The following RECQL5 variants were observed in gnomAD, a reference collection of about 807,000 sequenced individuals.
RECQL5 encodes the protein ATP-dependent DNA helicase Q5.
A neutral mutation model predicts 103.4 loss-of-function variants in RECQL5; 88 were observed. That is an observed-to-expected ratio of 0.85 (90% CI 0.72 to 1.02). The LOEUF is 1.02. Ranked by LOEUF, RECQL5 falls within the 50% of genes least tolerant of loss-of-function variation. RECQL5 has a pLI of 0.00. For synonymous variants in RECQL5, 552 were observed against 507.9 expected (o/e 1.09, Z -1.17); for missense variants, 1,232 against 1,284.3 (o/e 0.96, Z 0.62).
intron 8 of RECQL5, chr17:75,650,126 A>G (rs1379502671): frequency 2.0e-6 from 2 of 986,190 alleles, no homozygotes; most frequent in Admixed American, 1.2e-4. Flanking sequence ...CAAGAAGCCT[A>G]AGAAGGCCAA....
chr17:75,638,385 G>A (rs1009570974), intron 8 of RECQL5: 3 of 152,328 alleles, frequency 2.0e-5, no homozygotes, highest in African/African-American at 7.2e-5. Flanking sequence ...GGAGGCTGAG[G>A]CAGGAGAATC....
chr17:75,666,709 G>C, intron 1 of RECQL5, 138 bp from the exon 2 acceptor site: 1 of 793,368 alleles, frequency 1.3e-6, no homozygotes, highest in Non-Finnish European at 2.0e-6. Context: ...TAATAAAGCT[G>C]AAGGTGAACT....
intron 7 of RECQL5, among the ~76,000 whole-genome samples, chr17:75,655,432 G>T (rs1388765870): frequency 6.9e-6 from 1 of 143,972 alleles, no homozygotes; most frequent in Non-Finnish European, 1.5e-5. Flanking sequence ...GGTGCAATCT[G>T]GGCTCACTGC....
Position 75,631,026 on chromosome 17 carries a change from A to T in RECQL5, c.1549-16T>A, listed in dbSNP as rs774261190. The T allele has an allele frequency of 5.0e-6, 8 of 1,613,616 alleles. No homozygotes were observed. In the South Asian group the frequency reaches 8.8e-5, roughly 18 times the overall value. ...GGTCTTTGCCCTGGAGGACAACATGAAGGACCCATGAGGCGTCCTGCCCTG... is the reference window on the plus strand; with the variant it reads ...GGTCTTTGCCCTGGAGGACAACATGTAGGACCCATGAGGCGTCCTGCCCTG... On this transcript the variant is annotated splice_polypyrimidine_tract_variant and intron_variant, in intron 10 of 19. Coordinates refer to ENST00000317905, the MANE Select transcript of RECQL5 (RefSeq NM_004259.7).
At position 75,663,017 on chromosome 17, in the gene RECQL5, C is replaced by T; in HGVS notation, c.253-20G>A. On this transcript the variant is annotated intron_variant, in intron 3 of 19. Transcript: ENST00000317905. ...TTGGTCCTAAGAGAAGAGAAAGAGG[C>T]TGTAACTGGCCCTCAGGACTCAGGT... The T allele has an allele frequency of 6.4e-7, 1 of 1,561,770 alleles. No homozygotes were observed.
At position 75,628,971 on chromosome 17, in the gene RECQL5, G is replaced by A; in HGVS notation, c.2452C>T (p.Pro818Ser). ...CTGAGGCACTCCTCAGTCTGGGGAG[G>A]GGCAGGCGAATGTCCCCCGGCTCCA... ...EDGAGGHSPA[P>S]PQTEECLRER... Residue 818 changes from proline (P) to serine (S), a missense_variant, in exon 16 of 20, where the codon CCT (proline) becomes TCT (serine). By Grantham distance (74) the Pro-to-Ser change is moderately conservative. Coordinates refer to ENST00000317905, the MANE Select transcript of RECQL5 (RefSeq NM_004259.7). 5 of 1,566,706 alleles carry A rather than the reference G, an allele frequency of 3.2e-6. No individual in the cohort carries two copies. Among genetic ancestry groups the A allele is most frequent in the Non-Finnish European group, 4.3e-6 (5 of 1,159,608 alleles).
At position 75,640,220 on chromosome 17, in the gene RECQL5, G is replaced by A. The variant is rs563203070; in HGVS notation, c.1230-8552C>T. ...GCGCGGCATGGCTGCCACCGACTTCGTGCAGGAGATGCGCGCCGTGGGCGA... is the reference window on the plus strand; with the variant it reads ...GCGCGGCATGGCTGCCACCGACTTCATGCAGGAGATGCGCGCCGTGGGCGA... On this transcript the variant is annotated intron_variant, in intron 8 of 19. Coordinates refer to ENST00000317905, the MANE Select transcript of RECQL5 (RefSeq NM_004259.7). This position sits in a 1 kb window ranked among gnomAD's most constrained non-coding sequence, Gnocchi z 4.6. 3.2e-5 allele frequency: 50 copies of A among 1,550,360 alleles called. No homozygotes were observed. In the Admixed American group the frequency reaches 4.3e-4, roughly 13 times the overall value.
At position 75,636,222 on chromosome 17, in the gene RECQL5, C is replaced by A. The variant is rs1644043327; in HGVS notation, c.1230-4554G>T. ...CCTGAGGACCCTGAGAAGCCTCCAACCAAGGCACTACTGAGCGTGGGGTTG... is the reference window on the plus strand; with the variant it reads ...CCTGAGGACCCTGAGAAGCCTCCAAACAAGGCACTACTGAGCGTGGGGTTG... On this transcript the variant is annotated intron_variant, in intron 8 of 19. Transcript: ENST00000317905. The surrounding 1 kb of genome is among the most constrained non-coding windows in gnomAD (Gnocchi z 5.4). Among the ~76,000 whole-genome samples, 1 of 152,170 alleles carries A rather than the reference C, an allele frequency of 6.6e-6. No individual in the cohort carries two copies. Among genetic ancestry groups the A allele is most frequent in the Non-Finnish European group, 1.5e-5 (1 of 68,028 alleles).
rs990046565 is a variant in RECQL5, at chr17:75,640,695, G to T, written c.1230-9027C>A. ...TTCTGACCTCCACCAAACCTGTGGG[G>T]GAAAGACCCTGGCAGGCAGTGGGTT... On this transcript the variant is annotated intron_variant, in intron 8 of 19. Coordinates refer to ENST00000317905, the MANE Select transcript of RECQL5 (RefSeq NM_004259.7). This position sits in a 1 kb window ranked among gnomAD's most constrained non-coding sequence, Gnocchi z 4.6. 2 of 1,498,264 alleles carry T rather than the reference G, an allele frequency of 1.3e-6. No individual in the cohort carries two copies. Among genetic ancestry groups the T allele is most frequent in the South Asian group, 2.6e-5 (2 of 77,724 alleles). 92.8% of individuals were successfully genotyped at this position (1,498,264 alleles called of 1,614,324 possible).
At chr17:75,651,071 C>G in intron 8 of RECQL5, 115 bp downstream of exon 8, 1 of 1,591,740 alleles carries the variant, frequency 6.3e-7, no homozygotes, top group Non-Finnish European at 8.6e-7. Context: ...CCTTTGCAGG[C>G]AGGTGTCCCT....
In RECQL5 at chr17:75,666,490, A is replaced by G; in HGVS notation, c.68T>C (p.Val23Ala). 6.2e-7 allele frequency: 1 copy of G among 1,614,040 alleles called. No homozygotes were observed. The highest frequency in any genetic ancestry group is 8.5e-7 in the Non-Finnish European group (1 of 1,179,988). Residue 23 changes from valine (V) to alanine (A), a missense_variant, in exon 2 of 20, where the codon GTC becomes GCC. Val to Ala is a moderately conservative substitution (Grantham distance 64). Transcript: ENST00000317905. ...ERRVRSTLKK[V>A]FGFDSFKTPL... ...CGTCTTAAAAGAGTCAAACCCAAAG[A>G]CCTTCTTCAGCGTACTCCGGACTCG... is the stretch of plus-strand genomic sequence containing the variant.
At chr17:75,647,469 C>A (rs1386490642) in intron 8 of RECQL5, 3 of 1,550,134 alleles carry the variant, frequency 1.9e-6, no homozygotes, top group East Asian at 4.9e-5. Context: ...TTATCTTATT[C>A]ATCACCGCTG....
chr17:75,647,276 T>C, intron 8 of RECQL5: 1 of 1,087,398 alleles, frequency 9.2e-7, no homozygotes, highest in Non-Finnish European at 1.3e-6. Flanking sequence ...TCACAGAGGC[T>C]GCTACAGAGG....
At chr17:75,654,367 G>A (rs1211004109) in intron 7 of RECQL5, among the ~76,000 whole-genome samples, 1 of 152,098 alleles carries the variant, frequency 6.6e-6, no homozygotes. Flanking sequence ...GTGCAATCTG[G>A]ACCAGTTTTC....
Position 75,627,471 on chromosome 17 carries a change from C to G in RECQL5, c.2927G>C (p.Arg976Pro). The stretch of plus-strand genomic sequence containing the variant: ...ATGCCAGTCAGCTTCGCTCTCGCAC[C>G]GGGCCCGGCCATGGAAGAAGTGCCT... ...LIRHFFHGRA[R>P]CESEADWHGL... The change falls in exon 20 of 20, where the codon CGG becomes CCG. Residue 976 changes from arginine to proline, a missense_variant. Arg to Pro is a moderately radical substitution (Grantham distance 103, BLOSUM62 -2). Transcript: ENST00000317905. The G allele has an allele frequency of 6.2e-7, 1 of 1,613,760 alleles. No homozygotes were observed. The highest frequency in any genetic ancestry group is 8.5e-7 in the Non-Finnish European group (1 of 1,180,026).
In RECQL5 at chr17:75,628,772, G is replaced by A; in HGVS notation, c.2490-10C>T. Reference sequence around the variant, plus strand: ...TCTGGGCGGGCAGGTGCTGGTAGAGGGAAGAGCAGGCATCACAGCACTGGG... The same window carrying A: ...TCTGGGCGGGCAGGTGCTGGTAGAGAGAAGAGCAGGCATCACAGCACTGGG... On this transcript the variant is annotated splice_polypyrimidine_tract_variant and intron_variant, in intron 16 of 19. Coordinates refer to ENST00000317905, the MANE Select transcript of RECQL5 (RefSeq NM_004259.7). 1 of 1,602,358 alleles carries A rather than the reference G, an allele frequency of 6.2e-7. No individual in the cohort carries two copies. The highest frequency in any genetic ancestry group is 8.5e-7 in the Non-Finnish European group (1 of 1,177,348).
chr17:75,630,399 C>T (rs1675948267), intron 13 of RECQL5, 122 bp from the exon 14 acceptor site: 8 of 963,170 alleles, frequency 8.3e-6, no homozygotes, highest in Non-Finnish European at 1.5e-6. Flanking sequence ...GATTAGGGCT[C>T]TCTGAGCACC....
chr17:75,656,945 C>T (rs1443166634), intron 7 of RECQL5, among the ~76,000 whole-genome samples: 7 of 152,084 alleles, frequency 4.6e-5, no homozygotes, highest in African/African-American at 1.2e-4. Flanking sequence ...GGGGTTTCAC[C>T]GTGTTAGTCA....
At chr17:75,661,301 A>T (rs921982628) in intron 5 of RECQL5, among the ~76,000 whole-genome samples, 38 of 152,204 alleles carry the variant, frequency 2.5e-4, no homozygotes, top group Admixed American at 2.4e-3. Flanking sequence ...CCATGATTCA[A>T]GCCCAAGTCC....
Sources: allele counts gnomAD v4.1 joint callset (sites outside exome capture counted in the v4.1 genomes callset), GRCh38; gene constraint gnomAD v4.1.1; non-coding constraint Gnocchi (gnomAD v3.1); transcripts MANE v1.5; gene names NCBI Gene and HGNC (gene_info 2026-07-23, HGNC 2026-07-21).